Variants in DPY19L1 observed in about 807,000 individuals in gnomAD.
DPY19L1 encodes the protein dpy-19 like C-mannosyltransferase 1, also known as protein C-mannosyl-transferase DPY19L1.
Under a neutral mutation model 96.9 loss-of-function variants are expected in DPY19L1, and 35 were observed. The ratio of observed to expected loss-of-function variants is 0.36; its 90% CI spans 0.28 to 0.48. DPY19L1 has a LOEUF of 0.48. Ranked by LOEUF, DPY19L1 falls within the 20% of genes least tolerant of loss-of-function variation. The pLI, the probability that DPY19L1 is intolerant of heterozygous loss-of-function variation, is 0.99. For synonymous variants in DPY19L1, 205 were observed against 252.6 expected (o/e 0.81, Z 1.79); for missense variants, 521 against 777.9 (o/e 0.67, Z 3.93).
intron 6 of DPY19L1, among the ~76,000 whole-genome samples, chr7:35,007,984 C>G (rs1437687442): frequency 6.6e-6 from 1 of 152,016 alleles, no homozygotes; most frequent in African/African-American, 2.4e-5. Flanking sequence ...CAATCTGAAT[C>G]CTCCACAACA....
At chr7:34,970,024 A>G (rs1462984636) in intron 8 of DPY19L1, among the ~76,000 whole-genome samples, 1 of 152,228 alleles carries the variant, frequency 6.6e-6, no homozygotes. Flanking sequence ...CAGAAAAGTT[A>G]AGTGGAGGAA....
intron 21 of DPY19L1, among the ~76,000 whole-genome samples, chr7:34,933,838 C>CT (rs1401076181): frequency 6.6e-6 from 1 of 152,222 alleles, no homozygotes; most frequent in Non-Finnish European, 1.5e-5. Flanking sequence ...AGCTTCCCTA[C>CT]TTTTGAAGTT....
rs552017524 is a variant in DPY19L1, at chr7:34,946,827, T to C, written c.1494+803A>G. ...TCTGTATGTTAAAATGGAGATAACATTTGTCTACCCCATAGGGCTGTTGAA... is the reference window on the plus strand; with the variant it reads ...TCTGTATGTTAAAATGGAGATAACACTTGTCTACCCCATAGGGCTGTTGAA... On this transcript the variant is annotated intron_variant, in intron 15 of 21. Coordinates refer to ENST00000638088, the MANE Select transcript of DPY19L1 (RefSeq NM_001366673.1). Among the ~76,000 whole-genome samples the C allele has an allele frequency of 1.1e-4, 16 of 152,356 alleles. No homozygotes were observed. In the East Asian group the frequency reaches 3.1e-3, roughly 29 times the overall value.
chr7:35,009,290 C>T (rs1785643525), intron 6 of DPY19L1, among the ~76,000 whole-genome samples: 1 of 152,120 alleles, frequency 6.6e-6, no homozygotes, highest in Non-Finnish European at 1.5e-5. Flanking sequence ...AACTCATTAT[C>T]CCAAATTGAA....
upstream of DPY19L1, chr7:35,037,590 C>T (rs1490840342): frequency 1.3e-4 from 34 of 269,838 alleles, no homozygotes; most frequent in South Asian, 4.4e-3. Context: ...CTGGCAGTAC[C>T]GCCGGGAGGC....
chr7:34,962,934 C>T (rs1458053836), intron 10 of DPY19L1, among the ~76,000 whole-genome samples: 1 of 151,576 alleles, frequency 6.6e-6, no homozygotes, highest in Non-Finnish European at 1.5e-5. Context: ...GTGGCTCATG[C>T]CTGTAATCCC....
intron 6 of DPY19L1, among the ~76,000 whole-genome samples, chr7:34,995,567 A>G (rs1236006095): frequency 6.6e-6 from 1 of 152,134 alleles, no homozygotes; most frequent in Non-Finnish European, 1.5e-5. Context: ...TTTCCTACCT[A>G]CTACAGTTGT....
intron 1 of DPY19L1, among the ~76,000 whole-genome samples, chr7:35,031,058 G>A (rs1240442907): frequency 6.6e-6 from 1 of 152,082 alleles, no homozygotes; most frequent in Non-Finnish European, 1.5e-5. Context: ...TAGCAAAACA[G>A]GAATTTAGGA....
intron 7 of DPY19L1, among the ~76,000 whole-genome samples, chr7:34,976,377 T>A (rs1784830347): frequency 6.6e-6 from 1 of 152,188 alleles, no homozygotes; most frequent in Non-Finnish European, 1.5e-5. Context: ...TGTAATCTCA[T>A]GATAAAATTT....
At chr7:34,982,547 T>A (rs1784962892) in intron 7 of DPY19L1, among the ~76,000 whole-genome samples, 1 of 152,214 alleles carries the variant, frequency 6.6e-6, no homozygotes, top group Non-Finnish European at 1.5e-5. Context: ...TACTGCCTTT[T>A]TAGTACAAGA....
intron 1 of DPY19L1, among the ~76,000 whole-genome samples, chr7:35,028,163 A>G (rs1334707384): frequency 6.6e-6 from 1 of 152,212 alleles, no homozygotes; most frequent in Non-Finnish European, 1.5e-5. Flanking sequence ...TCAGGGGCAC[A>G]TGACTGGGAT....
At chr7:34,947,791 G>T in intron 14 of DPY19L1, 90 bp from the exon 15 acceptor site, 2 of 1,052,716 alleles carry the variant, frequency 1.9e-6, no homozygotes, top group Non-Finnish European at 2.8e-6. Flanking sequence ...ATTTCTGAAA[G>T]TAGAGAAATA....
At chr7:34,936,881 G>A (rs62461927) in intron 21 of DPY19L1, among the ~76,000 whole-genome samples, 27,853 of 152,022 alleles carry the variant, frequency 0.18, 2,918 homozygotes, top group Admixed American at 0.34. Context: ...AATACCATAT[G>A]TGTCATTGAA....
chr7:34,996,271 G>A (rs1474974917), intron 6 of DPY19L1, among the ~76,000 whole-genome samples: 2 of 152,136 alleles, frequency 1.3e-5, no homozygotes, highest in Admixed American at 6.5e-5. Context: ...TGTCATTGTT[G>A]CTCTTGGTAC....
intron 7 of DPY19L1, among the ~76,000 whole-genome samples, chr7:34,987,284 T>C (rs1785070821): frequency 6.6e-6 from 1 of 152,090 alleles, no homozygotes; most frequent in Admixed American, 6.6e-5. Flanking sequence ...GCATAGTTTT[T>C]ATTATAGAAT....
rs772625458 is a variant in DPY19L1, at chr7:34,940,278, G to C, written c.1739C>G (p.Ala580Gly). The change falls in exon 19 of 22, where the codon GCT becomes GGT. Residue 580 changes from alanine to glycine, a missense_variant. By Grantham distance (60) the Ala-to-Gly change is moderately conservative. Transcript: ENST00000638088. Reference protein sequence around the residue: ...CKVHPGAIVFAILAAMSIQGS... With the variant: ...CKVHPGAIVFGILAAMSIQGS... ...TTGTATTGACATTGCTGCTAATATA[G>C]CAAACACAATAGCACCAGGATGTAC... 4 of 1,611,794 alleles carry C rather than the reference G, an allele frequency of 2.5e-6. No homozygotes were observed. Among genetic ancestry groups the C allele is most frequent in the Non-Finnish European group, 3.4e-6 (4 of 1,179,766 alleles).
intron 11 of DPY19L1, among the ~76,000 whole-genome samples, chr7:34,956,382 C>G (rs1424587115): frequency 6.6e-6 from 1 of 151,992 alleles, no homozygotes; most frequent in Non-Finnish European, 1.5e-5. Flanking sequence ...TATGATTTTT[C>G]TTGTTGTTGT....
intron 21 of DPY19L1, among the ~76,000 whole-genome samples, chr7:34,935,280 T>G (rs1305799179): frequency 6.6e-6 from 1 of 152,122 alleles, no homozygotes; most frequent in African/African-American, 2.4e-5. Flanking sequence ...GTTTGCCTTG[T>G]GCAACACTAT....
chr7:34,938,640 T>C (rs1242450331), intron 20 of DPY19L1, among the ~76,000 whole-genome samples: 1 of 152,208 alleles, frequency 6.6e-6, no homozygotes, highest in Non-Finnish European at 1.5e-5. Context: ...TATTTGTGAA[T>C]GTACATGCCA....
Sources: allele counts gnomAD v4.1 joint callset (sites outside exome capture counted in the v4.1 genomes callset), GRCh38; gene constraint gnomAD v4.1.1; transcripts MANE v1.5; gene names NCBI Gene and HGNC (gene_info 2026-07-23, HGNC 2026-07-21).